The following ACBD5 variants were observed in gnomAD, a reference collection of about 807,000 sequenced individuals.
The protein encoded by ACBD5 is acyl-CoA binding domain containing 5, also known as acyl-CoA-binding domain-containing protein 5.
In ACBD5, 40 loss-of-function variants were observed where a neutral mutation model predicts 71.8. The observed-to-expected ratio is 0.56, with a 90% CI of 0.43 to 0.72. ACBD5 has a LOEUF of 0.72. ACBD5 is among the 30% of genes least tolerant of loss of function. The pLI is 0.00. For missense variants in ACBD5, 559 were observed against 644.5 expected (o/e 0.87, Z 1.44); for synonymous variants, 229 against 218.6 (o/e 1.05, Z -0.42).
upstream of ACBD5, chr10:27,240,949 T>G (rs1589442753): frequency 3.4e-6 from 2 of 593,812 alleles, no homozygotes; most frequent in Non-Finnish European, 6.0e-6. This position sits in a 1 kb window ranked among gnomAD's most constrained non-coding sequence, Gnocchi z 4.1. Context: ...CAGAGGAGGG[T>G]CCGGGAAGCG....
At chr10:27,194,114 T>A (rs1325416669), downstream of ACBD5, among the ~76,000 whole-genome samples, 2 of 150,558 alleles carry the variant, frequency 1.3e-5, no homozygotes, top group African/African-American at 4.9e-5. Flanking sequence ...TAGCCAGGAG[T>A]GTGGCATATG....
rs1355662197 is a variant in ACBD5, at chr10:27,197,271, G to A, written c.*159C>T. On this transcript the variant is annotated 3_prime_UTR_variant, in exon 13 of 13. Coordinates refer to ENST00000396271, the MANE Select transcript of ACBD5 (RefSeq NM_145698.5). ...CTTAAAATGTTATCGTTTGTGTAGT[G>A]CAAAATATATATGTGTATATATGTA... 2.7e-6 allele frequency: 2 copies of A among 729,900 alleles called. No individual in the cohort carries two copies. The highest frequency in any genetic ancestry group is 5.0e-6 in the Non-Finnish European group (2 of 401,878). 45.2% of individuals were successfully genotyped at this position (729,900 alleles called of 1,614,324 possible).
intron 5 of ACBD5, among the ~76,000 whole-genome samples, chr10:27,221,140 T>G (rs200666388): frequency 7.6e-5 from 1 of 13,100 alleles, no homozygotes; most frequent in Non-Finnish European, 1.9e-4. Flanking sequence ...CTTACAACCC[T>G]TGGATCCAGA....
chr10:27,220,643 C>T (rs2062216629), intron 5 of ACBD5, among the ~76,000 whole-genome samples: 1 of 152,158 alleles, frequency 6.6e-6, no homozygotes, highest in Non-Finnish European at 1.5e-5. Flanking sequence ...AAATTCACTG[C>T]AATCTGTATC....
In ACBD5 at chr10:27,240,289, G is replaced by C. The variant is rs1299808858; in HGVS notation, c.181+30C>G. ...GGGGCTTTGGGGCTCTCTGCAGGAG[G>C]CGTCTACAGCCGGGGCCCAGCGCAC... On this transcript the variant is annotated intron_variant, in intron 2 of 12. Transcript: ENST00000396271. The surrounding 1 kb of genome is among the most constrained non-coding windows in gnomAD (Gnocchi z 4.1). 6.2e-7 allele frequency: 1 copy of C among 1,613,848 alleles called. No homozygotes were observed. Among genetic ancestry groups the C allele is most frequent in the Non-Finnish European group, 8.5e-7 (1 of 1,180,024 alleles).
Position 27,215,578 on chromosome 10 carries a change from C to A in ACBD5, c.893G>T (p.Ser298Ile). The A allele has an allele frequency of 6.2e-7, 1 of 1,613,636 alleles. No homozygotes were observed. The highest frequency in any genetic ancestry group is 8.5e-7 in the Non-Finnish European group (1 of 1,179,786). Residue 298 changes from serine to isoleucine, a missense_variant, in exon 8 of 13, where the codon AGT becomes ATT. Transcript: ENST00000396271. ...TTCCATAGAATCACAGTAAACTTCA[C>A]TGTCTGAATCGCTTGTCAAATGCTG... Reference protein sequence around the residue: ...GIQHLTSDSDSEVYCDSMEQF... With the variant: ...GIQHLTSDSDIEVYCDSMEQF...
chr10:27,198,226 A>G (rs1227852381), intron 12 of ACBD5, among the ~76,000 whole-genome samples: 1 of 152,178 alleles, frequency 6.6e-6, no homozygotes, highest in Non-Finnish European at 1.5e-5. Flanking sequence ...AGGCCTCAAG[A>G]CAGCTCTCAG....
chr10:27,215,395 T>TA, intron 8 of ACBD5, 140 bp downstream of exon 8: 1 of 651,436 alleles, frequency 1.5e-6, no homozygotes, highest in Non-Finnish European at 2.6e-6. Context: ...AAAAATAGTT[T>TA]AAAATACAAA....
chr10:27,225,260 G>T (rs926793586), intron 4 of ACBD5, among the ~76,000 whole-genome samples: 2 of 152,046 alleles, frequency 1.3e-5, no homozygotes, highest in Non-Finnish European at 2.9e-5. Flanking sequence ...TGGGGTTATA[G>T]GTGTTAGCCA....
intron 4 of ACBD5, among the ~76,000 whole-genome samples, chr10:27,228,815 A>ATATATATATATATATATTTT: frequency 2.5e-4 from 5 of 20,364 alleles, no homozygotes; most frequent in Non-Finnish European, 5.1e-4. Flanking sequence ...ATATATATAT[A>ATATATATATATATATATTTT]TTTTTTTTTT....
chr10:27,234,474 G>A (rs1216070493), intron 3 of ACBD5, among the ~76,000 whole-genome samples: 3 of 140,218 alleles, frequency 2.1e-5, no homozygotes, highest in African/African-American at 8.0e-5. Context: ...AACTTAGGTT[G>A]GGAGTTGCTC....
In ACBD5 at chr10:27,197,007, C is replaced by T; in HGVS notation, c.*423G>A. On this transcript the variant is annotated 3_prime_UTR_variant, in exon 13 of 13. Coordinates refer to ENST00000396271, the MANE Select transcript of ACBD5 (RefSeq NM_145698.5). ...TCATTTGAAATTCACTCCTGGTTTGCATTCTTTCTTTTATTTAATTTAGAA... is the reference window on the plus strand; with the variant it reads ...TCATTTGAAATTCACTCCTGGTTTGTATTCTTTCTTTTATTTAATTTAGAA... 1 of 447,612 alleles carries T rather than the reference C, an allele frequency of 2.2e-6. No individual in the cohort carries two copies. Among genetic ancestry groups the T allele is most frequent in the Non-Finnish European group, 4.5e-6 (1 of 224,230 alleles). 27.7% of individuals were successfully genotyped at this position (447,612 alleles called of 1,614,324 possible).
In ACBD5 at chr10:27,236,843, C is replaced by T. The variant is rs527520941; in HGVS notation, c.182-1631G>A. ...GTGGTTGCAGTGAGCCAAGATCACA[C>T]CACTGCACTACAGCCTGGGCAGCTG... is the stretch of plus-strand genomic sequence containing the variant. On this transcript the variant is annotated intron_variant, in intron 2 of 12. Transcript: ENST00000396271. 4.6e-4 allele frequency among the ~76,000 whole-genome samples: 66 copies of T among 144,758 alleles called. No individual in the cohort carries two copies. In the South Asian group the frequency reaches 0.014, roughly 31 times the overall value. 95.0% of individuals were successfully genotyped at this position (144,758 alleles called of 152,430 possible).
In ACBD5 at chr10:27,240,511, C is replaced by T. The variant is rs2138624034; in HGVS notation, c.16-27G>A. On this transcript the variant is annotated intron_variant, in intron 1 of 12. Transcript: ENST00000396271. The surrounding 1 kb of genome is among the most constrained non-coding windows in gnomAD (Gnocchi z 4.1). ...TGGAACATGGAGCGCAGCCGCGGAT[C>T]AACATGCCCCAAAAGGAGGAGGCCC... is the stretch of plus-strand genomic sequence containing the variant. 2.5e-6 allele frequency: 4 copies of T among 1,575,766 alleles called. No individual in the cohort carries two copies. The East Asian group carries it at 7.0e-5, about 28-fold the overall frequency.
intron 3 of ACBD5, 150 bp from the exon 4 acceptor site, chr10:27,231,970 A>G: frequency 1.4e-6 from 1 of 734,148 alleles, no homozygotes; most frequent in Non-Finnish European, 2.3e-6. Flanking sequence ...TACCATGAAG[A>G]AAATTATCAC....
intron 13 of ACBD5, among the ~76,000 whole-genome samples, chr10:27,187,919 T>C (rs1005893612): frequency 6.6e-6 from 1 of 152,176 alleles, no homozygotes; most frequent in African/African-American, 2.4e-5. Flanking sequence ...AAAACATAAT[T>C]TTCTTTTGCT....
At chr10:27,192,362 T>C (rs1374272269), downstream of ACBD5, among the ~76,000 whole-genome samples, 1 of 152,166 alleles carries the variant, frequency 6.6e-6, no homozygotes, top group African/African-American at 2.4e-5. Context: ...CTCTCTCTCC[T>C]AGTTCCATGA....
chr10:27,186,310 A>G, intron 13 of ACBD5: 1 of 1,421,744 alleles, frequency 7.0e-7, no homozygotes, highest in East Asian at 2.3e-5. Flanking sequence ...TCTTTTTATA[A>G]TAATTCCTGT....
At chr10:27,185,070 A>T (rs1004576816) in intron 13 of ACBD5, among the ~76,000 whole-genome samples, 2 of 152,174 alleles carry the variant, frequency 1.3e-5, no homozygotes, top group East Asian at 3.8e-4. Context: ...CATGAAGAGA[A>T]CGTGTCAGAA....
Sources: gnomAD v4.1 joint callset for allele counts (sites outside exome capture counted in the v4.1 genomes callset) on GRCh38, gnomAD v4.1.1 for gene constraint, Gnocchi (gnomAD v3.1) non-coding constraint, MANE v1.5 for transcripts, NCBI Gene and HGNC (gene_info 2026-07-23, HGNC 2026-07-21) for gene names.